Variants in LECT2 observed in about 807,000 individuals in gnomAD.
LECT2 encodes leukocyte cell-derived chemotaxin-2.
In LECT2, 11 loss-of-function variants were observed where a neutral mutation model predicts 16.6. The ratio of observed to expected loss-of-function variants is 0.66; its 90% CI spans 0.42 to 1.09. The LOEUF is 1.09. Ranked by LOEUF, LECT2 falls within the 50% of genes least tolerant of loss-of-function variation. LECT2 has a pLI of 0.00. For synonymous variants in LECT2, 54 were observed against 64.8 expected, an observed-to-expected ratio of 0.83 and a Z score of 0.80; for missense variants, 173 against 184.2, an observed-to-expected ratio of 0.94 and a Z score of 0.35.
In LECT2 at chr5:135,954,798, C is replaced by T. The variant is rs373824531; in HGVS notation, c.36G>A (p.Leu12=). 1.9e-6 allele frequency: 3 copies of T among 1,613,212 alleles called. No homozygotes were observed. The highest frequency in any genetic ancestry group is 2.5e-6 in the Non-Finnish European group (3 of 1,179,232). The part of the protein sequence containing the change: ...FSTKALLLAG[L]ISTALAGPWA... ...GCACTTTCGACTTACCGGTAGAAAT[C>T]AGACCAGCCAAAAGGAGGGCTTTGG... is the stretch of plus-strand genomic sequence containing the variant. The change falls in exon 1 of 4, where the codon CTG becomes CTA. Residue 12 remains leucine, a synonymous_variant. Coordinates refer to ENST00000274507, the MANE Select transcript of LECT2 (RefSeq NM_002302.3).
chr5:135,950,935 T>A, intron 3 of LECT2: 1 of 422,960 alleles, frequency 2.4e-6, no homozygotes, highest in Non-Finnish European at 4.2e-6. Flanking sequence ...CAGAAAAAAA[T>A]ATCTATCGGG....
chr5:135,947,102 C>A lies in LECT2; in HGVS notation c.*229G>T. 1 of 345,544 alleles carries A rather than the reference C, an allele frequency of 2.9e-6. No individual in the cohort carries two copies. Among genetic ancestry groups the A allele is most frequent in the Non-Finnish European group, 5.2e-6 (1 of 193,098 alleles). 21.4% of individuals were successfully genotyped at this position (345,544 alleles called of 1,614,324 possible). A position where few individuals can be genotyped will look rare whatever the true frequency, so the allele number is the denominator to read the frequency against. ...ATGTTTCTATTTAAACTCAAATTTC[C>A]TTTTTTTAATTAAAAAATTTTTGTG... On this transcript the variant is annotated 3_prime_UTR_variant, in exon 4 of 4. Transcript: ENST00000274507.
rs778292924 is a variant in LECT2, at chr5:135,952,936, A to C, written c.78T>G (p.Ala26=). The stretch of plus-strand genomic sequence containing the variant: ...TCCGGATCTCATTGGAAGACTTGCC[A>C]GCACATATATTAGCCCATGGCCCTG... ...ALAGPWANIC[A]GKSSNEIRTC... is the part of the protein sequence containing the mutation. The change falls in exon 2 of 4, where the codon GCT becomes GCG. Residue 26 remains alanine, a synonymous_variant. Transcript: ENST00000274507. The C allele has an allele frequency of 6.2e-7, 1 of 1,614,104 alleles. No individual in the cohort carries two copies. The highest frequency in any genetic ancestry group is 2.2e-5 in the East Asian group (1 of 44,874).
At position 135,947,274 on chromosome 5, in the gene LECT2, G is replaced by T. The variant is rs1425882512; in HGVS notation, c.*57C>A. The T allele has an allele frequency of 6.6e-7, 1 of 1,514,438 alleles. No homozygotes were observed. Among genetic ancestry groups the T allele is most frequent in the Non-Finnish European group, 9.1e-7 (1 of 1,096,434 alleles). 93.8% of individuals were successfully genotyped at this position (1,514,438 alleles called of 1,614,324 possible). ...ACAAATTTCTTGAAGAGAAGGGTATGCATCCAGGTTTTTAAGATGACTTTT... is the reference window on the plus strand; with the variant it reads ...ACAAATTTCTTGAAGAGAAGGGTATTCATCCAGGTTTTTAAGATGACTTTT... On this transcript the variant is annotated 3_prime_UTR_variant, in exon 4 of 4. Coordinates refer to ENST00000274507, the MANE Select transcript of LECT2 (RefSeq NM_002302.3).
In LECT2 at chr5:135,947,102, CT is replaced by C. The variant is rs560351976; in HGVS notation, c.*228del. The C allele has an allele frequency of 4.3e-4, 147 of 345,528 alleles. No homozygotes were observed. In the East Asian group the frequency reaches 5.7e-3, roughly 13 times the overall value. 21.4% of individuals were successfully genotyped at this position (345,528 alleles called of 1,614,324 possible). On this transcript the variant is annotated 3_prime_UTR_variant, in exon 4 of 4. Transcript: ENST00000274507. ...ATGTTTCTATTTAAACTCAAATTTC[CT>C]TTTTTTAATTAAAAAATTTTTGTGG...
chr5:135,951,380 A>G lies in LECT2; in HGVS notation c.144-12T>C, dbSNP rs2126876584. 1 of 1,612,050 alleles carries G rather than the reference A, an allele frequency of 6.2e-7. No homozygotes were observed. The highest frequency in any genetic ancestry group is 8.5e-7 in the Non-Finnish European group (1 of 1,178,746). The stretch of plus-strand genomic sequence containing the variant: ...GAGGCCTCTGACTTCTAGGATGTAA[A>G]TAAGAACGAACAGACTGAGGAACTG... On this transcript the variant is annotated splice_polypyrimidine_tract_variant and intron_variant, in intron 2 of 3. Transcript: ENST00000274507.
At chr5:135,951,160 A>G (rs955630384) in intron 3 of LECT2, 63 bp downstream of exon 3, 4 of 1,470,252 alleles carry the variant, frequency 2.7e-6, no homozygotes, top group African/African-American at 2.8e-5. Context: ...TGGAACCTGC[A>G]TTAAATAAAT....
intron 3 of LECT2, among the ~76,000 whole-genome samples, chr5:135,947,752 G>T (rs1763724885): frequency 6.6e-6 from 1 of 152,124 alleles, no homozygotes; most frequent in Admixed American, 6.5e-5. Context: ...TAGAAAAGGT[G>T]AGCCCTGAAC....
intron 2 of LECT2, among the ~76,000 whole-genome samples, chr5:135,952,509 A>C (rs1763810000): frequency 6.6e-6 from 1 of 152,188 alleles, no homozygotes; most frequent in Non-Finnish European, 1.5e-5. Flanking sequence ...TGTGCTTGGC[A>C]GGTCCCTTAA....
chr5:135,954,264 G>A (rs2126877631), intron 1 of LECT2, among the ~76,000 whole-genome samples: 1 of 152,300 alleles, frequency 6.6e-6, no homozygotes, highest in Admixed American at 6.5e-5. Flanking sequence ...TTGGAGCCAA[G>A]CTCCAAATCA....
intron 2 of LECT2, 158 bp from the exon 3 acceptor site, chr5:135,951,526 C>T: frequency 7.0e-6 from 4 of 568,754 alleles, no homozygotes; most frequent in African/African-American, 5.6e-5. Context: ...TCTGTTTAGC[C>T]CAATTTTAAC....
At chr5:135,948,828 C>G (rs1241041466) in intron 3 of LECT2, among the ~76,000 whole-genome samples, 1 of 151,958 alleles carries the variant, frequency 6.6e-6, no homozygotes, top group African/African-American at 2.4e-5. Context: ...GCGCCCGCCA[C>G]CACATCTGGC....
intron 3 of LECT2, among the ~76,000 whole-genome samples, chr5:135,948,677 T>A (rs1245106711): frequency 1.3e-5 from 2 of 148,844 alleles, no homozygotes; most frequent in Admixed American, 6.7e-5. Flanking sequence ...ATAATAATTA[T>A]TATTATTATT....
At chr5:135,947,699 A>G (rs1297309736) in intron 3 of LECT2, among the ~76,000 whole-genome samples, 2 of 152,204 alleles carry the variant, frequency 1.3e-5, no homozygotes, top group African/African-American at 4.8e-5. Context: ...ATGAAACGCT[A>G]ATAAAGGCAT....
At chr5:135,951,834 G>T (rs1206211757) in intron 2 of LECT2, among the ~76,000 whole-genome samples, 1 of 152,068 alleles carries the variant, frequency 6.6e-6, no homozygotes, top group African/African-American at 2.4e-5. Context: ...TACTGTATAT[G>T]GTATTTTAAT....
At position 135,953,021 on chromosome 5, in the gene LECT2, C is replaced by G. The variant is rs1008995431; in HGVS notation, c.47-54G>C. Reference sequence around the variant, plus strand: ...TCCTGGCCTCAGACATTTCCTATCCCCATTTGCCTTATCAGTCACACAGTT... The same window carrying G: ...TCCTGGCCTCAGACATTTCCTATCCGCATTTGCCTTATCAGTCACACAGTT... On this transcript the variant is annotated intron_variant, in intron 1 of 3. Transcript: ENST00000274507. The G allele has an allele frequency of 3.3e-6, 4 of 1,212,302 alleles. No homozygotes were observed. The Admixed American group carries it at 5.1e-5, about 15-fold the overall frequency. The allele number at this position is 1,212,302 out of a possible 1,614,324, so 75.1% of individuals were successfully genotyped here.
chr5:135,954,944 T>C lies in LECT2; in HGVS notation c.-111A>G. The C allele has an allele frequency of 1.3e-6, 1 of 793,406 alleles. No individual in the cohort carries two copies. The highest frequency in any genetic ancestry group is 2.2e-5 in the Admixed American group (1 of 45,094). 49.1% of individuals were successfully genotyped at this position (793,406 alleles called of 1,614,324 possible). ...TCCTAGCTATTTAGCCTTAGAATTC[T>C]GCATCTCTCATTTCTTTAGTGTGAG... is the stretch of plus-strand genomic sequence containing the variant. On this transcript the variant is annotated 5_prime_UTR_variant, in exon 1 of 4. Coordinates refer to ENST00000274507, the MANE Select transcript of LECT2 (RefSeq NM_002302.3).
At chr5:135,947,682 G>A (rs977690) in intron 3 of LECT2, among the ~76,000 whole-genome samples, 185 bp from the exon 4 acceptor site, 38,034 of 152,002 alleles carry the variant, frequency 0.25, 4,871 homozygotes, top group South Asian at 0.31. Flanking sequence ...AGGAAGAATA[G>A]ATTCAAATGA....
rs1054988510 is a variant in LECT2 at position 135,947,004 on chromosome 5, G to A, written c.*327C>T. 3.6e-5 allele frequency: 6 copies of A among 166,190 alleles called. No homozygotes were observed. Among genetic ancestry groups the A allele is most frequent in the South Asian group, 3.8e-4 (2 of 5,214 alleles). 10.3% of individuals were successfully genotyped at this position (166,190 alleles called of 1,614,324 possible). A position where few individuals can be genotyped will look rare whatever the true frequency, so the allele number is the denominator to read the frequency against. On this transcript the variant is annotated 3_prime_UTR_variant, in exon 4 of 4. Coordinates refer to ENST00000274507, the MANE Select transcript of LECT2 (RefSeq NM_002302.3). ...CCATAGGTGACAGATCAAAGAGCCCGAAGCAACCAGTTCACATGAACATCA... is the reference window on the plus strand; with the variant it reads ...CCATAGGTGACAGATCAAAGAGCCCAAAGCAACCAGTTCACATGAACATCA...
Sources: gnomAD v4.1 joint callset for allele counts (sites outside exome capture counted in the v4.1 genomes callset) on GRCh38, gnomAD v4.1.1 for gene constraint, MANE v1.5 for transcripts, NCBI Gene and HGNC (gene_info 2026-07-23, HGNC 2026-07-21) for gene names.